PLIN3: variants seen among roughly 807,000 people sequenced by gnomAD.
The protein encoded by PLIN3 is perilipin 3, also known as perilipin-3.
Under a neutral mutation model 35.9 loss-of-function variants are expected in PLIN3, and 30 were observed. The observed-to-expected ratio is 0.84, with a 90% CI of 0.62 to 1.13. PLIN3 has a LOEUF of 1.13. PLIN3 is among the 50% of genes most tolerant of loss of function. The pLI, the probability that PLIN3 is intolerant of heterozygous loss-of-function variation, is 0.00. For synonymous variants in PLIN3, 261 were observed against 262.5 expected, an observed-to-expected ratio of 0.99 and a Z score of 0.06; for missense variants, 603 against 596.9, an observed-to-expected ratio of 1.01 and a Z score of -0.11.
At chr19:4,854,724 C>T (rs963675651) in intron 4 of PLIN3, among the ~76,000 whole-genome samples, 4 of 152,016 alleles carry the variant, frequency 2.6e-5, no homozygotes, top group Admixed American at 6.6e-5. Context: ...ACAACACCAC[C>T]GTCCCCCAGA....
chr19:4,852,281 C>A lies in PLIN3; in HGVS notation c.369G>T (p.Glu123Asp). 6.2e-7 allele frequency: 1 copy of A among 1,603,640 alleles called. No homozygotes were observed. Among genetic ancestry groups the A allele is most frequent in the Non-Finnish European group, 8.5e-7 (1 of 1,179,886 alleles). ...CCCCCGACACCTTAGACGACACAAG[C>A]TCCTTGGTGTCCGCCAGGACCTAGG... is the stretch of plus-strand genomic sequence containing the variant. ...PTEKVLADTK[E>D]LVSSKVSGAQ... Residue 123 changes from glutamate to aspartate, a missense_variant, in exon 5 of 8, where the codon GAG (glutamate) becomes GAT (aspartate). Glu to Asp is a conservative substitution (Grantham distance 45). Coordinates refer to ENST00000221957, the MANE Select transcript of PLIN3 (RefSeq NM_005817.5).
At chr19:4,865,762 C>A (rs1215263380) in intron 1 of PLIN3, among the ~76,000 whole-genome samples, 1 of 142,290 alleles carries the variant, frequency 7.0e-6, no homozygotes, top group African/African-American at 2.6e-5. Context: ...CTCGCCCTGT[C>A]GCCCACGCTG....
In PLIN3 at chr19:4,849,339, G is replaced by A. The variant is rs142670766; in HGVS notation, c.635-1449C>T. Among the ~76,000 whole-genome samples, 17 of 151,848 alleles carry A rather than the reference G, an allele frequency of 1.1e-4. No individual in the cohort carries two copies. In the South Asian group the frequency reaches 2.1e-3, roughly 19 times the overall value. On this transcript the variant is annotated intron_variant, in intron 5 of 7. Transcript: ENST00000221957. The stretch of plus-strand genomic sequence containing the variant: ...TTTTTATATTTTGAAGTACAGTCTC[G>A]CTCTGTTGCCCAGGCTGGAGTGCAG...
chr19:4,853,526 T>C (rs1004024466), intron 4 of PLIN3, among the ~76,000 whole-genome samples: 1 of 152,002 alleles, frequency 6.6e-6, no homozygotes, highest in Non-Finnish European at 1.5e-5. Context: ...GGTTTCACCA[T>C]GTTGGCCAGG....
rs191960386 is a variant in PLIN3 at position 4,861,463 on chromosome 19, A to T, written c.-17-52T>A. The T allele has an allele frequency of 1.6e-3, 2,151 of 1,325,792 alleles. 36 individuals carry two copies. In the African/African-American group the frequency reaches 0.028, roughly 17 times the overall value. The allele number at this position is 1,325,792 out of a possible 1,614,324, so 82.1% of individuals were successfully genotyped here. ...AGCCTGCCTGGCCCCACCTTCCAGG[A>T]GAAAGTCCAGGCCCACGCTGCAGCT... On this transcript the variant is annotated intron_variant, in intron 1 of 7. Transcript: ENST00000221957.
intron 4 of PLIN3, among the ~76,000 whole-genome samples, chr19:4,858,303 C>A: frequency 6.7e-6 from 1 of 150,200 alleles, no homozygotes; most frequent in Non-Finnish European, 1.5e-5. Flanking sequence ...AAGTGAGGCC[C>A]ACAGAGGCAA....
At position 4,860,074 on chromosome 19, in the gene PLIN3, C is replaced by G. The variant is rs370954601; in HGVS notation, c.67-50G>C. ...AAACTGGGTGGGGGAAGATGGGGAG[C>G]TCAGCCGGAAACTCAGGGTGCCCTG... On this transcript the variant is annotated intron_variant, in intron 2 of 7. Transcript: ENST00000221957. 4.5e-5 allele frequency: 71 copies of G among 1,565,450 alleles called. 1 individual carries two copies. The South Asian group carries it at 7.7e-4, about 17-fold the overall frequency.
chr19:4,863,847 C>G (rs2602725), intron 1 of PLIN3, among the ~76,000 whole-genome samples: 135,509 of 149,510 alleles, frequency 0.91, 61,403 homozygotes, highest in East Asian at 0.93. Flanking sequence ...AAAAAGAAAA[C>G]AAAACAAAAC....
At chr19:4,852,840 G>A (rs2030347714) in intron 4 of PLIN3, among the ~76,000 whole-genome samples, 1 of 151,960 alleles carries the variant, frequency 6.6e-6, no homozygotes, top group African/African-American at 2.4e-5. Flanking sequence ...TTGAGATGGA[G>A]TTTCACTCTC....
At position 4,847,724 on chromosome 19, in the gene PLIN3, C is replaced by T. The variant is rs763743368; in HGVS notation, c.801G>A (p.Glu267=). ...KLRATKQRAQ[E]ALLQLSQVLS... ...GGACCTGCGACAGCTGCAGCAGAGC[C>T]TCCTGTGCCCTCTGCTTGGTGGCTC... is the stretch of plus-strand genomic sequence containing the variant. Residue 267 remains glutamate, a synonymous_variant, in exon 6 of 8, where the codon GAG becomes GAA. Transcript: ENST00000221957. 3.1e-6 allele frequency: 5 copies of T among 1,609,800 alleles called. No individual in the cohort carries two copies. The Admixed American group carries it at 6.7e-5, about 22-fold the overall frequency.
At chr19:4,862,812 C>T (rs1412199507) in intron 1 of PLIN3, among the ~76,000 whole-genome samples, 1 of 152,110 alleles carries the variant, frequency 6.6e-6, no homozygotes, top group Non-Finnish European at 1.5e-5. Context: ...GACTTACTGG[C>T]CACAACATGA....
chr19:4,861,235 T>C, intron 2 of PLIN3, 94 bp downstream of exon 2: 1 of 1,043,342 alleles, frequency 9.6e-7, no homozygotes, highest in Non-Finnish European at 1.5e-6. Context: ...TGCCGGCAGA[T>C]CCCTGGCTCC....
At chr19:4,863,369 T>A (rs1169851262) in intron 1 of PLIN3, among the ~76,000 whole-genome samples, 7 of 143,630 alleles carry the variant, frequency 4.9e-5, no homozygotes, top group African/African-American at 1.3e-4. Flanking sequence ...TGGTGGCGAA[T>A]GCCTGTAATC....
chr19:4,859,868 C>G lies in PLIN3; in HGVS notation c.223G>C (p.Val75Leu). 3 of 1,613,264 alleles carry G rather than the reference C, an allele frequency of 1.9e-6. No individual in the cohort carries two copies. The highest frequency in any genetic ancestry group is 2.5e-6 in the Non-Finnish European group (3 of 1,180,000). ...KGVRTLTAAAVSGAQPILSKL... is the reference protein window; with the variant it reads ...KGVRTLTAAALSGAQPILSKL... ...GAGAGGATCGGCTGAGCCCCGCTGA[C>G]AGCAGCCGCCGTGAGGGTCCTCACT... The change falls in exon 3 of 8, where the codon GTC (valine) becomes CTC (leucine). Residue 75 changes from valine (V) to leucine (L), a missense_variant. By Grantham distance (32) the Val-to-Leu change is conservative. Coordinates refer to ENST00000221957, the MANE Select transcript of PLIN3 (RefSeq NM_005817.5).
At chr19:4,861,285 G>C (rs375856758) in intron 2 of PLIN3, 44 bp downstream of exon 2, 1 of 1,555,946 alleles carries the variant, frequency 6.4e-7, no homozygotes, top group African/African-American at 1.4e-5. Flanking sequence ...CCTTGCACGG[G>C]AATCACAGGG....
chr19:4,844,900 A>C (rs1227561584), intron 6 of PLIN3, 107 bp from the exon 7 acceptor site: 2 of 1,306,968 alleles, frequency 1.5e-6, no homozygotes, highest in Non-Finnish European at 2.1e-6. Flanking sequence ...ATGACAGTCT[A>C]GAAAAGAGAA....
intron 5 of PLIN3, among the ~76,000 whole-genome samples, chr19:4,850,683 C>A (rs933873323): frequency 6.7e-6 from 1 of 150,244 alleles, no homozygotes; most frequent in African/African-American, 2.5e-5. Context: ...ATCCGCCCGG[C>A]CTTGGCCTCC....
At chr19:4,859,567 C>A in intron 4 of PLIN3, 23 bp downstream of exon 4, 8 of 1,606,256 alleles carry the variant, frequency 5.0e-6, no homozygotes, top group South Asian at 3.3e-5. Flanking sequence ...CTCGACAGAG[C>A]CCCTGAGGAC....
chr19:4,853,486 G>A lies in PLIN3; in HGVS notation c.349-1185C>T, dbSNP rs2030372396. Among the ~76,000 whole-genome samples the A allele has an allele frequency of 2.0e-5, 3 of 151,300 alleles. No individual in the cohort carries two copies. The South Asian group carries it at 6.3e-4, about 32-fold the overall frequency. ...GATTACAAGCACATGCCACCATGCC[G>A]AGCCGATTTTTGTATTTTTAGTAGA... On this transcript the variant is annotated intron_variant, in intron 4 of 7. Transcript: ENST00000221957.
Sources: gnomAD v4.1 joint callset for allele counts (sites outside exome capture counted in the v4.1 genomes callset) on GRCh38, gnomAD v4.1.1 for gene constraint, MANE v1.5 for transcripts, NCBI Gene and HGNC (gene_info 2026-07-23, HGNC 2026-07-21) for gene names.